The following RAD9B variants were observed in gnomAD, a reference collection of about 807,000 sequenced individuals.
The protein encoded by RAD9B is cell cycle checkpoint control protein RAD9B.
A neutral mutation model predicts 48.3 loss-of-function variants in RAD9B; 41 were observed. The observed-to-expected ratio is 0.85, with a 90% CI of 0.66 to 1.10. The LOEUF is 1.10. Ranked by LOEUF, RAD9B falls within the 50% of genes least tolerant of loss-of-function variation. The pLI is 0.00. For synonymous variants in RAD9B, 160 were observed against 157.9 expected (o/e 1.01, Z -0.10); for missense variants, 444 against 485.1 (o/e 0.92, Z 0.80).
At position 110,503,894 on chromosome 12, in the gene RAD9B, C is replaced by T; in HGVS notation, c.117+18C>T. 2.0e-6 allele frequency: 3 copies of T among 1,483,706 alleles called. No homozygotes were observed. Among genetic ancestry groups the T allele is most frequent in the Non-Finnish European group, 2.7e-6 (3 of 1,098,282 alleles). The allele number at this position is 1,483,706 out of a possible 1,614,324, so 91.9% of individuals were successfully genotyped here. ...AAAAAGGTGTAAGTAAGAAAGTTAACAGATCACGTATCAAGGCAAGAGGAG... is the reference window on the plus strand; with the variant it reads ...AAAAAGGTGTAAGTAAGAAAGTTAATAGATCACGTATCAAGGCAAGAGGAG... On this transcript the variant is annotated intron_variant, in intron 2 of 10. Coordinates refer to ENST00000409300, the MANE Select transcript of RAD9B (RefSeq NM_001286535.2).
intron 10 of RAD9B, among the ~76,000 whole-genome samples, chr12:110,526,705 C>T (rs924932434): frequency 6.6e-6 from 1 of 151,792 alleles, no homozygotes; most frequent in Non-Finnish European, 1.5e-5. Flanking sequence ...GTCAGGAGAT[C>T]AAGACCATCC....
chr12:110,525,113 G>C (rs2063896353), intron 10 of RAD9B, among the ~76,000 whole-genome samples: 2 of 152,028 alleles, frequency 1.3e-5, no homozygotes, highest in African/African-American at 2.4e-5. Context: ...AGCCTCCTGA[G>C]TAGCTGGGAA....
chr12:110,507,500 GTATTAAATATAATA>G, intron 4 of RAD9B, among the ~76,000 whole-genome samples: 1 of 23,336 alleles, frequency 4.3e-5, no homozygotes, highest in South Asian at 3.2e-3. Context: ...CATAATATAT[GTATTAAATATAATA>G]CATAATATAT....
chr12:110,517,595 G>C (rs1024546361), intron 6 of RAD9B, among the ~76,000 whole-genome samples: 21 of 151,838 alleles, frequency 1.4e-4, no homozygotes, highest in Non-Finnish European at 1.2e-4. Flanking sequence ...CTGGACTCCA[G>C]CTTGGGCAAC....
At position 110,531,417 on chromosome 12, in the gene RAD9B, C is replaced by A. The variant is rs943247676; in HGVS notation, c.*764C>A. On this transcript the variant is annotated 3_prime_UTR_variant, in exon 11 of 11. Transcript: ENST00000409300. ...ATGTTGGCCAGGGTGGTCTTGAACT[C>A]CTGGCCTCAAGTGATCTGCCCACCT... is the stretch of plus-strand genomic sequence containing the variant. 14 of 564,672 alleles carry A rather than the reference C, an allele frequency of 2.5e-5. No individual in the cohort carries two copies. Among genetic ancestry groups the A allele is most frequent in the Middle Eastern group, 4.8e-4 (1 of 2,064 alleles). The allele number at this position is 564,672 out of a possible 1,614,324, so 35.0% of individuals were successfully genotyped here. A position where few individuals can be genotyped will look rare whatever the true frequency, so the allele number is the denominator to read the frequency against.
rs1177050606 is a variant in RAD9B at position 110,522,183 on chromosome 12, T to G, written c.897T>G (p.Asp299Glu). Reference protein sequence around the residue: ...LCLSQKRKRSDLIEKKAGKNV... With the variant: ...LCLSQKRKRSELIEKKAGKNV... ...ATGCCTATTAATACCTCAGGTCAGA[T>G]CTGATTGAAAAAAAGGCTGGCAAAA... The change falls in exon 10 of 11, where the codon GAT becomes GAG. Residue 299 changes from aspartate to glutamate, a missense_variant. Physicochemically the swap from Asp to Glu is conservative, Grantham distance 45 (BLOSUM62 2). Transcript: ENST00000409300. The G allele has an allele frequency of 6.3e-7, 1 of 1,576,768 alleles. No homozygotes were observed.
chr12:110,531,508 A>G lies in RAD9B; in HGVS notation c.*855A>G, dbSNP rs2064136389. 8.6e-7 allele frequency: 1 copy of G among 1,162,304 alleles called. No homozygotes were observed. The highest frequency in any genetic ancestry group is 1.3e-6 in the Non-Finnish European group (1 of 788,042). The allele number at this position is 1,162,304 out of a possible 1,614,324, so 72.0% of individuals were successfully genotyped here. A position where few individuals can be genotyped will look rare whatever the true frequency, so the allele number is the denominator to read the frequency against. ...CGCCCAACCTGGAGTGTTTTTACATATTGTAAAATTTTATTTCCTAACCTC... is the reference window on the plus strand; with the variant it reads ...CGCCCAACCTGGAGTGTTTTTACATGTTGTAAAATTTTATTTCCTAACCTC... On this transcript the variant is annotated 3_prime_UTR_variant, in exon 11 of 11. Transcript: ENST00000409300.
intron 6 of RAD9B, among the ~76,000 whole-genome samples, chr12:110,517,830 C>T (rs2063655219): frequency 6.7e-6 from 1 of 148,474 alleles, no homozygotes; most frequent in Non-Finnish European, 1.5e-5. Flanking sequence ...GGAAAAATAG[C>T]CAAGATATAT....
At chr12:110,505,832 T>C in intron 3 of RAD9B, 60 bp downstream of exon 3, 2 of 1,323,490 alleles carry the variant, frequency 1.5e-6, no homozygotes, top group Non-Finnish European at 2.1e-6. Flanking sequence ...ATATAGGACA[T>C]AACCTGTATT....
intron 1 of RAD9B, 44 bp downstream of exon 1, chr12:110,502,427 C>A (rs754281699): frequency 1.2e-6 from 2 of 1,606,158 alleles, no homozygotes; most frequent in Middle Eastern, 3.3e-4. Context: ...GAGAGAAAAG[C>A]AGACGTTAAT....
chr12:110,512,493 A>T (rs1178765572), intron 4 of RAD9B, among the ~76,000 whole-genome samples: 1 of 152,190 alleles, frequency 6.6e-6, no homozygotes, highest in African/African-American at 2.4e-5. Flanking sequence ...ATCAATAAAA[A>T]TATATTAACA....
intron 2 of RAD9B, among the ~76,000 whole-genome samples, chr12:110,505,143 G>A (rs921463024): frequency 1.3e-5 from 2 of 151,602 alleles, no homozygotes; most frequent in African/African-American, 2.4e-5. Context: ...CTATATATAC[G>A]TACATGCTTG....
intron 10 of RAD9B, among the ~76,000 whole-genome samples, chr12:110,523,679 C>T (rs373477617): frequency 2.9e-4 from 44 of 152,254 alleles, no homozygotes; most frequent in East Asian, 2.7e-3. Context: ...CTTACTTTTT[C>T]ACAGGCAACA....
At chr12:110,512,661 A>C (rs944201684) in intron 4 of RAD9B, 118 bp from the exon 5 acceptor site, 13 of 587,494 alleles carry the variant, frequency 2.2e-5, no homozygotes, top group African/African-American at 1.1e-4. Context: ...AGGTATATGC[A>C]CTTGCCAGAT....
intron 10 of RAD9B, among the ~76,000 whole-genome samples, chr12:110,522,998 T>C (rs966748488): frequency 2.6e-5 from 4 of 152,216 alleles, no homozygotes; most frequent in African/African-American, 7.2e-5. Flanking sequence ...GAAACTGAAG[T>C]ATCTCAAATA....
intron 10 of RAD9B, among the ~76,000 whole-genome samples, chr12:110,526,358 G>A (rs376970995): frequency 1.3e-5 from 2 of 152,176 alleles, no homozygotes; most frequent in Admixed American, 6.5e-5. Flanking sequence ...CCAGCCATAT[G>A]AGACTTACAG....
chr12:110,510,726 C>T (rs2063434206), intron 4 of RAD9B, among the ~76,000 whole-genome samples: 1 of 152,126 alleles, frequency 6.6e-6, no homozygotes, highest in African/African-American at 2.4e-5. Flanking sequence ...ATTATTGCTA[C>T]CTCTCCTCTT....
intron 1 of RAD9B, chr12:110,502,845 C>T (rs145560323): frequency 6.3e-6 from 1 of 159,040 alleles, no homozygotes; most frequent in Non-Finnish European, 1.4e-5. Flanking sequence ...ATGACAGCAC[C>T]TTCGTCACAG....
chr12:110,506,318 A>G (rs1396003239), intron 3 of RAD9B, among the ~76,000 whole-genome samples: 1 of 151,848 alleles, frequency 6.6e-6, no homozygotes, highest in Non-Finnish European at 1.5e-5. Context: ...CCTCCCGAGT[A>G]GCTGGGACTA....
Sources: allele counts gnomAD v4.1 joint callset (sites outside exome capture counted in the v4.1 genomes callset), GRCh38; gene constraint gnomAD v4.1.1; transcripts MANE v1.5; gene names NCBI Gene and HGNC (gene_info 2026-07-23, HGNC 2026-07-21).